The following KATNIP variants were observed in gnomAD, a reference collection of about 807,000 sequenced individuals.
KATNIP encodes katanin-interacting protein.
Under a neutral mutation model 174.0 loss-of-function variants are expected in KATNIP, and 126 were observed. The observed-to-expected ratio is 0.72, with a 90% CI of 0.63 to 0.84. The LOEUF is 0.84. KATNIP is among the 40% of genes least tolerant of loss of function. The probability of loss-of-function intolerance (pLI) is 0.00; values close to 1 mark genes in which losing one functional copy is unlikely to be tolerated. For synonymous variants in KATNIP, 810 were observed against 835.7 expected (o/e 0.97, Z 0.53); for missense variants, 1,958 against 2,109.7 (o/e 0.93, Z 1.41).
At chr16:27,734,762 A>G (rs1040840347) in intron 14 of KATNIP, among the ~76,000 whole-genome samples, 11 of 152,200 alleles carry the variant, frequency 7.2e-5, no homozygotes, top group Admixed American at 5.2e-4. Flanking sequence ...TGCTCCTAAC[A>G]GTGGCTAGGC....
chr16:27,558,609 CT>C lies in KATNIP; in HGVS notation c.7+8433del, dbSNP rs1225679036. 2.6e-5 allele frequency among the ~76,000 whole-genome samples: 4 copies of C among 152,354 alleles called. No individual in the cohort carries two copies. In the East Asian group the frequency reaches 7.7e-4, roughly 29 times the overall value. The stretch of plus-strand genomic sequence containing the variant: ...CCCTTTCCCAAAGCAGTGTGGCCCA[CT>C]GCCTGCTATTGTAAATAAAGTTTTA... On this transcript the variant is annotated intron_variant, in intron 1 of 27. Transcript: ENST00000261588.
At chr16:27,558,798 T>C (rs569498232) in intron 1 of KATNIP, among the ~76,000 whole-genome samples, 1 of 151,134 alleles carries the variant, frequency 6.6e-6, no homozygotes, top group South Asian at 2.1e-4. Flanking sequence ...CAGATCTGAT[T>C]TGATTCCTGA....
intron 3 of KATNIP, among the ~76,000 whole-genome samples, chr16:27,626,960 G>A (rs1449784296): frequency 6.8e-6 from 1 of 146,482 alleles, no homozygotes. Flanking sequence ...GCGAGACTCC[G>A]TCTCAAAAAA....
At chr16:27,672,493 C>T (rs2077955144) in intron 6 of KATNIP, among the ~76,000 whole-genome samples, 1 of 152,218 alleles carries the variant, frequency 6.6e-6, no homozygotes, top group Non-Finnish European at 1.5e-5. Flanking sequence ...TCCTATAAGG[C>T]CAGAGGTTTG....
chr16:27,583,120 G>T (rs762436634), intron 2 of KATNIP, among the ~76,000 whole-genome samples: 1 of 152,174 alleles, frequency 6.6e-6, no homozygotes, highest in Non-Finnish European at 1.5e-5. Flanking sequence ...AAAGCAAAGA[G>T]AATCAATTTC....
chr16:27,629,126 C>T (rs1340332013), intron 4 of KATNIP, among the ~76,000 whole-genome samples: 1 of 150,620 alleles, frequency 6.6e-6, no homozygotes, highest in Non-Finnish European at 1.5e-5. Flanking sequence ...CGAAATCGCA[C>T]CACTGCACTC....
At chr16:27,723,900 G>A (rs1306113545) in intron 14 of KATNIP, among the ~76,000 whole-genome samples, 1 of 152,064 alleles carries the variant, frequency 6.6e-6, no homozygotes, top group African/African-American at 2.4e-5. Flanking sequence ...TGATCACGTC[G>A]TGAGCACCTG....
intron 2 of KATNIP, among the ~76,000 whole-genome samples, chr16:27,601,836 G>A (rs2075536276): frequency 6.6e-6 from 1 of 152,202 alleles, no homozygotes; most frequent in Non-Finnish European, 1.5e-5. Context: ...CTGGGGTGTG[G>A]GGGAATGATC....
In KATNIP at chr16:27,553,264, A is replaced by T. The variant is rs1324894672; in HGVS notation, c.7+3087A>T. Reference sequence around the variant, plus strand: ...ATATCACCACCTATTTCATTTTAAAAAGGAGTTTAAGTATTAGGAAACTAT... The same window carrying T: ...ATATCACCACCTATTTCATTTTAAATAGGAGTTTAAGTATTAGGAAACTAT... On this transcript the variant is annotated intron_variant, in intron 1 of 27. Coordinates refer to ENST00000261588, the MANE Select transcript of KATNIP (RefSeq NM_015202.5). Among the ~76,000 whole-genome samples the T allele has an allele frequency of 2.6e-5, 4 of 152,340 alleles. No individual in the cohort carries two copies. The East Asian group carries it at 7.7e-4, about 29-fold the overall frequency.
At chr16:27,577,879 A>C (rs1245741043) in intron 2 of KATNIP, among the ~76,000 whole-genome samples, 1 of 152,094 alleles carries the variant, frequency 6.6e-6, no homozygotes, top group South Asian at 2.1e-4. Flanking sequence ...TCTCAAAAAA[A>C]AATTTTTTTT....
rs1450566439 is a variant in KATNIP at position 27,608,416 on chromosome 16, T to TC, written c.64-10009_64-10008insC. 2.1e-5 allele frequency among the ~76,000 whole-genome samples: 3 copies of TC among 145,206 alleles called. No individual in the cohort carries two copies. In the Admixed American group the frequency reaches 2.1e-4, roughly 10 times the overall value. On this transcript the variant is annotated intron_variant, in intron 2 of 27. Coordinates refer to ENST00000261588, the MANE Select transcript of KATNIP (RefSeq NM_015202.5). ...TGGTGAATCTTTTTTTTTTTTTTTT[T>TC]TTTGTATTTTTGTAGAGATGGGGTC...
intron 2 of KATNIP, among the ~76,000 whole-genome samples, chr16:27,613,155 TC>T (rs2075948051): frequency 1.3e-5 from 2 of 152,032 alleles, no homozygotes; most frequent in Non-Finnish European, 2.9e-5. Context: ...CTGCCTGTAG[TC>T]CCAGCCACTC....
At chr16:27,556,413 G>GA (rs1055500535) in intron 1 of KATNIP, among the ~76,000 whole-genome samples, 2 of 151,748 alleles carry the variant, frequency 1.3e-5, no homozygotes, top group African/African-American at 2.4e-5. Context: ...AATGGTTTAG[G>GA]AAAAAAAATT....
At position 27,749,578 on chromosome 16, in the gene KATNIP, T is replaced by C. The variant is rs2081417684; in HGVS notation, c.2624-6T>C. The stretch of plus-strand genomic sequence containing the variant: ...GGCTTCCCCCCTCTTGTGTCCTTTC[T>C]TCCAGAAGACACCTGGTCTTCCAGG... On this transcript the variant is annotated splice_region_variant and splice_polypyrimidine_tract_variant and intron_variant, in intron 15 of 27. Transcript: ENST00000261588. 1 of 1,525,928 alleles carries C rather than the reference T, an allele frequency of 6.6e-7. No individual in the cohort carries two copies. The highest frequency in any genetic ancestry group is 1.3e-5 in the South Asian group (1 of 76,066). 94.5% of individuals were successfully genotyped at this position (1,525,928 alleles called of 1,614,324 possible).
chr16:27,662,633 CCTCAGTA>C (rs2077563063), intron 6 of KATNIP, among the ~76,000 whole-genome samples: 1 of 152,078 alleles, frequency 6.6e-6, no homozygotes, highest in Non-Finnish European at 1.5e-5. Context: ...TGATCCCATC[CCTCAGTA>C]GGGTGTTTCT....
At chr16:27,670,256 T>C (rs1016293694) in intron 6 of KATNIP, among the ~76,000 whole-genome samples, 9 of 152,224 alleles carry the variant, frequency 5.9e-5, no homozygotes, top group African/African-American at 2.2e-4. Flanking sequence ...GCCTGCCCTC[T>C]CCTGATTTTT....
At chr16:27,746,110 G>A (rs1424943274) in intron 15 of KATNIP, among the ~76,000 whole-genome samples, 2 of 151,916 alleles carry the variant, frequency 1.3e-5, no homozygotes, top group East Asian at 1.9e-4. Flanking sequence ...GATTATAGGC[G>A]TGAGCCACCG....
At chr16:27,553,591 G>A (rs1213797968) in intron 1 of KATNIP, among the ~76,000 whole-genome samples, 1 of 152,104 alleles carries the variant, frequency 6.6e-6, no homozygotes, top group Non-Finnish European at 1.5e-5. Context: ...AAGACAAGAG[G>A]ATCTCTTCAG....
intron 2 of KATNIP, among the ~76,000 whole-genome samples, chr16:27,585,724 C>G (rs1332205143): frequency 1.3e-5 from 2 of 152,182 alleles, no homozygotes; most frequent in African/African-American, 4.8e-5. Context: ...AAATTAAACT[C>G]ATGGACATAG....
Sources: gnomAD v4.1 joint callset for allele counts (sites outside exome capture counted in the v4.1 genomes callset) on GRCh38, gnomAD v4.1.1 for gene constraint, MANE v1.5 for transcripts, NCBI Gene and HGNC (gene_info 2026-07-23, HGNC 2026-07-21) for gene names.